FOXP2: variants seen among roughly 807,000 people sequenced by gnomAD.
FOXP2 encodes forkhead box P2.
Under a neutral mutation model 115.8 loss-of-function variants are expected in FOXP2, and 12 were observed. The ratio of observed to expected loss-of-function variants is 0.10; its 90% confidence interval spans 0.07 to 0.17. FOXP2 has a LOEUF of 0.17. FOXP2 is among the 10% of genes least tolerant of loss of function. FOXP2 has a pLI of 1.00. For synonymous variants in FOXP2, 328 were observed against 297.7 expected, an observed-to-expected ratio of 1.10 and a Z score of -1.05; for missense variants, 629 against 843.5, an observed-to-expected ratio of 0.75 and a Z score of 3.15.
At chr7:114,513,441 G>C (rs1798173292) in intron 2 of FOXP2, among the ~76,000 whole-genome samples, 1 of 152,002 alleles carries the variant, frequency 6.6e-6, no homozygotes, top group Admixed American at 6.6e-5. Context: ...CATTTGGAAA[G>C]CTTTTTAAAA....
chr7:114,273,110 T>C (rs1472103027), intron 1 of FOXP2, among the ~76,000 whole-genome samples: 1 of 152,018 alleles, frequency 6.6e-6, no homozygotes, highest in Non-Finnish European at 1.5e-5. Context: ...CTGATATTAC[T>C]TTATCCCACA....
At chr7:114,165,810 A>G (rs932395053) in intron 1 of FOXP2, among the ~76,000 whole-genome samples, 1 of 152,164 alleles carries the variant, frequency 6.6e-6, no homozygotes, top group Non-Finnish European at 1.5e-5. Flanking sequence ...ATTAGCCAAC[A>G]TAATATTGAG....
At chr7:114,571,538 G>C (rs541557800) in intron 3 of FOXP2, among the ~76,000 whole-genome samples, 1 of 151,886 alleles carries the variant, frequency 6.6e-6, no homozygotes, top group Non-Finnish European at 1.5e-5. Context: ...TATAGTCAGC[G>C]CTTCACAGTC....
chr7:114,475,901 A>C (rs1056974775), intron 2 of FOXP2, among the ~76,000 whole-genome samples: 1 of 152,014 alleles, frequency 6.6e-6, no homozygotes, highest in Non-Finnish European at 1.5e-5. Flanking sequence ...TAATAGTCAA[A>C]AACATCTCTT....
intron 3 of FOXP2, among the ~76,000 whole-genome samples, chr7:114,543,691 C>T (rs1799791295): frequency 6.6e-6 from 1 of 152,140 alleles, no homozygotes; most frequent in South Asian, 2.1e-4. Flanking sequence ...AACTTTTTAG[C>T]TACTTGATTG....
chr7:114,351,702 T>C (rs937985580), intron 2 of FOXP2, among the ~76,000 whole-genome samples: 3 of 152,090 alleles, frequency 2.0e-5, no homozygotes, highest in African/African-American at 4.8e-5. Context: ...TTACAATATG[T>C]AGTAAATGTT....
intron 2 of FOXP2, among the ~76,000 whole-genome samples, chr7:114,405,257 G>A (rs1478884514): frequency 6.6e-6 from 1 of 151,746 alleles, no homozygotes; most frequent in African/African-American, 2.4e-5. Flanking sequence ...TGGTATCAAC[G>A]TCCATATACT....
intron 2 of FOXP2, among the ~76,000 whole-genome samples, chr7:114,479,539 A>AG (rs1429580635): frequency 4.1e-5 from 6 of 147,008 alleles, no homozygotes; most frequent in African/African-American, 1.6e-4. Flanking sequence ...GAGATATTTG[A>AG]GGAAAAAAAA....
intron 1 of FOXP2, among the ~76,000 whole-genome samples, chr7:114,098,377 A>C (rs980040653): frequency 6.6e-6 from 1 of 152,216 alleles, no homozygotes; most frequent in Non-Finnish European, 1.5e-5. Flanking sequence ...GCCTAAAATC[A>C]GACACATAGA....
At chr7:114,178,930 T>G (rs1793385323) in intron 1 of FOXP2, among the ~76,000 whole-genome samples, 2 of 151,856 alleles carry the variant, frequency 1.3e-5, no homozygotes, top group South Asian at 2.1e-4. Context: ...CAATCTCCTC[T>G]CCATAAACAA....
chr7:114,243,916 G>GTTTTTTTT (rs3997270), intron 1 of FOXP2, among the ~76,000 whole-genome samples: 2 of 144,614 alleles, frequency 1.4e-5, no homozygotes, highest in Non-Finnish European at 3.0e-5. Flanking sequence ...TTTTTAGCTT[G>GTTTTTTTT]TTTTTTTTTT....
chr7:114,155,386 AT>A (rs1450562845), intron 1 of FOXP2, among the ~76,000 whole-genome samples: 1 of 152,100 alleles, frequency 6.6e-6, no homozygotes, highest in Non-Finnish European at 1.5e-5. Context: ...AAGACACCAA[AT>A]TCCAACGTGA....
At chr7:114,094,534 C>T (rs1182344877) in intron 1 of FOXP2, among the ~76,000 whole-genome samples, 5 of 152,072 alleles carry the variant, frequency 3.3e-5, no homozygotes, top group Non-Finnish European at 7.4e-5. Flanking sequence ...TTTCTCTTTC[C>T]TTTTTCCCCT....
rs572245185 is a variant in FOXP2, at chr7:114,134,479, C to T, written c.-246-28465C>T. Among the ~76,000 whole-genome samples, 215 of 151,974 alleles carry T rather than the reference C, an allele frequency of 1.4e-3. 1 individual carries two copies. In the South Asian group the frequency reaches 0.016, roughly 11 times the overall value. ...CTGTAATCCCAGCACTTTGGGAGGC[C>T]GAGGCGGGCGGATCACGAGGTCAGG... On this transcript the variant is annotated intron_variant, in intron 1 of 19. Coordinates refer to the FOXP2 transcript ENST00000635638.
chr7:114,369,119 T>C (rs1465749699), intron 2 of FOXP2, among the ~76,000 whole-genome samples: 1 of 152,184 alleles, frequency 6.6e-6, no homozygotes, highest in Non-Finnish European at 1.5e-5. Context: ...TCTCTCAAGT[T>C]GGACTGTTTG....
At chr7:114,600,276 G>A (rs1025804555) in intron 3 of FOXP2, among the ~76,000 whole-genome samples, 1 of 152,034 alleles carries the variant, frequency 6.6e-6, no homozygotes, top group African/African-American at 2.4e-5. Flanking sequence ...CATACAATAT[G>A]CAGCCTTTTC....
chr7:114,650,360 T>C (rs7782412), intron 8 of FOXP2, among the ~76,000 whole-genome samples: 55,358 of 151,902 alleles, frequency 0.36, 10,870 homozygotes, highest in Non-Finnish European at 0.43. Context: ...ACTGAAGCAT[T>C]TTTGAAAATA....
intron 16 of FOXP2, chr7:114,667,380 G>A (rs1807223710): frequency 1.3e-5 from 2 of 152,188 alleles, no homozygotes; most frequent in African/African-American, 4.8e-5. Context: ...AGTAAGCTAT[G>A]ATCATGGCAT....
At chr7:114,318,199 G>A (rs1797319295) in intron 2 of FOXP2, among the ~76,000 whole-genome samples, 1 of 152,078 alleles carries the variant, frequency 6.6e-6, no homozygotes, top group Non-Finnish European at 1.5e-5. Context: ...TTTGCGGAGT[G>A]ATGCAGAGGC....
Sources: gnomAD v4.1 joint callset for allele counts (sites outside exome capture counted in the v4.1 genomes callset) on GRCh38, gnomAD v4.1.1 for gene constraint, MANE v1.5 for transcripts, NCBI Gene and HGNC (gene_info 2026-07-23, HGNC 2026-07-21) for gene names.